Variants in SLC5A4 observed in about 807,000 individuals in gnomAD.
SLC5A4 encodes probable glucose sensor protein SLC5A4.
A neutral mutation model predicts 70.3 loss-of-function variants in SLC5A4; 55 were observed. The observed-to-expected ratio is 0.78, with a 90% CI of 0.63 to 0.98. SLC5A4 has a LOEUF of 0.98. Ranked by LOEUF, SLC5A4 falls within the 50% of genes least tolerant of loss-of-function variation. SLC5A4 has a pLI of 0.00. For missense variants in SLC5A4, 735 were observed against 839.2 expected (o/e 0.88, Z 1.53); for synonymous variants, 268 against 305.7 (o/e 0.88, Z 1.29).
chr22:32,292,241 T>G, the SLC5A4 span, among the ~76,000 whole-genome samples: 10 of 34,630 alleles, frequency 2.9e-4, no homozygotes, highest in Non-Finnish European at 5.3e-4. Flanking sequence ...ATTATATATA[T>G]AATATATACT....
the SLC5A4 span, among the ~76,000 whole-genome samples, chr22:32,260,902 G>T: frequency 3.3e-5 from 5 of 152,096 alleles, no homozygotes; most frequent in African/African-American, 1.2e-4. Context: ...GTGAAACCCC[G>T]TCTCTGCTAA....
At chr22:32,272,642 G>C in the SLC5A4 span, 2 of 583,220 alleles carry the variant, frequency 3.4e-6, no homozygotes, top group South Asian at 1.9e-5. Flanking sequence ...TGGTGTACAT[G>C]TACCTGCCTG....
intron 10 of SLC5A4, 33 bp downstream of exon 10, chr22:32,230,935 T>G (rs1182119096): frequency 7.1e-7 from 1 of 1,414,860 alleles, no homozygotes; most frequent in African/African-American, 1.4e-5. Context: ...TAGACAGGCC[T>G]CTGGGGCTGT....
the SLC5A4 span, among the ~76,000 whole-genome samples, chr22:32,328,268 C>T: frequency 1.3e-5 from 2 of 152,148 alleles, no homozygotes; most frequent in Non-Finnish European, 2.9e-5. Flanking sequence ...CTAAGACAGC[C>T]TCCAAAGAAT....
At chr22:32,338,839 G>C in the SLC5A4 span, among the ~76,000 whole-genome samples, 1 of 152,162 alleles carries the variant, frequency 6.6e-6, no homozygotes, top group South Asian at 2.1e-4. Context: ...TCCCTGCCTG[G>C]CATCTATCCA....
At chr22:32,271,443 T>C in the SLC5A4 span, 3 of 766,260 alleles carry the variant, frequency 3.9e-6, no homozygotes, top group Admixed American at 5.2e-5. Flanking sequence ...CCCCCACGAC[T>C]CTCGGCTCAG....
At chr22:32,239,554 A>ATATATATTTATATATATATT (rs58656707) in intron 5 of SLC5A4, among the ~76,000 whole-genome samples, 2 of 16,858 alleles carry the variant, frequency 1.2e-4, no homozygotes, top group South Asian at 1.4e-3. Context: ...ATATATATAT[A>ATATATATTTATATATATATT]TATATATATA....
intron 3 of SLC5A4, among the ~76,000 whole-genome samples, chr22:32,249,162 T>C (rs1390762260): frequency 1.3e-5 from 2 of 152,168 alleles, no homozygotes. Context: ...TAGAAGAATA[T>C]CACCAGTGCT....
chr22:32,309,802 G>GCTTC, the SLC5A4 span, among the ~76,000 whole-genome samples: 1 of 152,008 alleles, frequency 6.6e-6, no homozygotes, highest in African/African-American at 2.4e-5. Context: ...GCTCTGAGAG[G>GCTTC]TTAAGTGGCT....
the SLC5A4 span, among the ~76,000 whole-genome samples, chr22:32,338,539 C>G: frequency 6.6e-6 from 1 of 152,122 alleles, no homozygotes; most frequent in African/African-American, 2.4e-5. Context: ...GTGGTGGGCG[C>G]CTGTAATGCC....
chr22:32,295,370 G>A, the SLC5A4 span, among the ~76,000 whole-genome samples: 1 of 109,340 alleles, frequency 9.1e-6, no homozygotes, highest in African/African-American at 3.3e-5. Context: ...ACTGGTGTGA[G>A]ATGGTATCTC....
chr22:32,303,272 C>T, the SLC5A4 span, among the ~76,000 whole-genome samples: 25 of 152,240 alleles, frequency 1.6e-4, no homozygotes, highest in South Asian at 1.5e-3. Context: ...TACATTGGTT[C>T]GGTCCAGAAA....
the SLC5A4 span, among the ~76,000 whole-genome samples, chr22:32,335,418 G>A: frequency 3.3e-5 from 5 of 152,188 alleles, no homozygotes; most frequent in East Asian, 7.7e-4. Flanking sequence ...AAGGAGGCAC[G>A]CTTGGCAGGG....
the SLC5A4 span, among the ~76,000 whole-genome samples, chr22:32,324,458 T>C: frequency 6.6e-6 from 1 of 152,284 alleles, no homozygotes; most frequent in South Asian, 2.1e-4. Flanking sequence ...TTTTATGGTC[T>C]CCACTCCAAA....
rs1383174533 is a variant in SLC5A4 at position 32,235,019 on chromosome 22, C to A, written c.739G>T (p.Asp247Tyr). The A allele has an allele frequency of 2.5e-6, 4 of 1,613,694 alleles. No homozygotes were observed. The highest frequency in any genetic ancestry group is 3.4e-6 in the Non-Finnish European group (4 of 1,179,952). ...CAACTGGCACTGATTGTCAAGTTGT[C>A]CCCCTCGACTACGGATGGGGTGGCA... ...VNATPSVVEG[D>Y]NLTISASCYT... The change falls in exon 8 of 15, where the codon GAC becomes TAC. Residue 247 changes from aspartate to tyrosine, a missense_variant. Transcript: ENST00000266086.
intron 1 of SLC5A4, among the ~76,000 whole-genome samples, chr22:32,254,558 A>T (rs1390371779): frequency 6.6e-6 from 1 of 152,206 alleles, no homozygotes; most frequent in Non-Finnish European, 1.5e-5. Flanking sequence ...TAATTCCAGC[A>T]CTTTGGAGGG....
At chr22:32,290,386 T>G in the SLC5A4 span, among the ~76,000 whole-genome samples, 1 of 152,182 alleles carries the variant, frequency 6.6e-6, no homozygotes, top group Non-Finnish European at 1.5e-5. Context: ...GAACGATGGT[T>G]TCCAGCTTCA....
chr22:32,254,051 G>T, intron 2 of SLC5A4, 91 bp downstream of exon 2: 1 of 1,007,562 alleles, frequency 9.9e-7, no homozygotes, highest in Non-Finnish European at 1.6e-6. Flanking sequence ...AAAGTGCTGG[G>T]ATTACAGGCG....
the SLC5A4 span, among the ~76,000 whole-genome samples, chr22:32,327,713 T>C: frequency 2.0e-5 from 3 of 150,780 alleles, no homozygotes; most frequent in African/African-American, 7.3e-5. Context: ...AGACCTGTCC[T>C]CCTGACAGGG....
Sources: gnomAD v4.1 joint callset for allele counts (sites outside exome capture counted in the v4.1 genomes callset) on GRCh38, gnomAD v4.1.1 for gene constraint, MANE v1.5 for transcripts, NCBI Gene and HGNC (gene_info 2026-07-23, HGNC 2026-07-21) for gene names.